HCST: variants seen among roughly 807,000 people sequenced by gnomAD.
The protein encoded by HCST is hematopoietic cell signal transducer.
A neutral mutation model predicts 10.8 loss-of-function variants in HCST; 12 were observed. That is an observed-to-expected ratio of 1.12 (90% CI 0.72 to 1.81). HCST has a LOEUF of 1.81. Ranked by LOEUF, HCST falls within the 40% of genes most tolerant of loss-of-function variation. The pLI is 0.00. For synonymous variants in HCST, 59 were observed against 51.6 expected (o/e 1.14, Z -0.61); for missense variants, 102 against 117.9 (o/e 0.87, Z 0.62).
At position 35,902,575 on chromosome 19, in the gene HCST, T is replaced by G. The variant is rs769019345; in HGVS notation, c.-19T>G. On this transcript the variant is annotated 5_prime_UTR_variant, in exon 1 of 4. Transcript: ENST00000246551. ...GGACCACAGTCCTCTGCCAGACCCC[T>G]GCCAGACCCCAGTCCACCATGATCC... 1.2e-6 allele frequency: 2 copies of G among 1,613,538 alleles called. No individual in the cohort carries two copies. Among genetic ancestry groups the G allele is most frequent in the Non-Finnish European group, 1.7e-6 (2 of 1,179,806 alleles).
rs1599636805 is a variant in HCST at position 35,903,828 on chromosome 19, G to A, written c.166G>A (p.Ala56Thr). The part of the protein sequence containing the change: ...SLPLLAGLVA[A>T]DAVASLLIVG... ...GCCGCTCCTGGCAGGCCTCGTGGCT[G>A]CTGATGCGGTGGCATCGCTGCTCAT... Residue 56 changes from alanine to threonine, a missense_variant, in exon 3 of 4, where the codon GCT becomes ACT. Transcript: ENST00000246551. The A allele has an allele frequency of 1.9e-6, 3 of 1,613,890 alleles. No homozygotes were observed. Among genetic ancestry groups the A allele is most frequent in the Non-Finnish European group, 2.5e-6 (3 of 1,180,010 alleles).
intron 1 of HCST, chr19:35,903,057 C>A: frequency 2.2e-6 from 1 of 452,544 alleles, no homozygotes; most frequent in Non-Finnish European, 4.1e-6. Flanking sequence ...GTGGCACAAT[C>A]ACGGCTCACG....
At chr19:35,903,096 TCCTC>T (rs972568972) in intron 1 of HCST, 1 of 474,804 alleles carries the variant, frequency 2.1e-6, no homozygotes, top group African/African-American at 2.0e-5. Flanking sequence ...GCTCAGGTGA[TCCTC>T]CCAGCTCAGC....
At chr19:35,903,093 T>G (rs1599635914) in intron 1 of HCST, 1 of 473,370 alleles carries the variant, frequency 2.1e-6, no homozygotes, top group Non-Finnish European at 3.9e-6. Context: ...TGGGCTCAGG[T>G]GATCCTCCCA....
At chr19:35,903,660 A>C in intron 2 of HCST, 112 bp from the exon 3 acceptor site, 1 of 1,508,322 alleles carries the variant, frequency 6.6e-7, no homozygotes, top group South Asian at 1.2e-5. Flanking sequence ...CGCAACTCCA[A>C]GGAACCTGGG....
intron 1 of HCST, 140 bp downstream of exon 1, chr19:35,902,776 G>T: frequency 1.2e-6 from 1 of 864,854 alleles, no homozygotes; most frequent in East Asian, 2.5e-5. Flanking sequence ...TCTGCTTCAG[G>T]GCCTGGGTCC....
intron 2 of HCST, 104 bp downstream of exon 2, chr19:35,903,520 CCTT>C: frequency 8.6e-7 from 1 of 1,159,810 alleles, no homozygotes; most frequent in South Asian, 1.2e-5. Flanking sequence ...GGATCCGTGT[CCTT>C]CTCCGAGTCC....
Position 35,904,279 on chromosome 19 carries a change from G to A in HCST, c.*119G>A, listed in dbSNP as rs1321388687. 21 of 1,104,626 alleles carry A rather than the reference G, an allele frequency of 1.9e-5. No individual in the cohort carries two copies. Among genetic ancestry groups the A allele is most frequent in the Non-Finnish European group, 2.9e-5 (21 of 732,374 alleles). 68.4% of individuals were successfully genotyped at this position (1,104,626 alleles called of 1,614,324 possible). On this transcript the variant is annotated 3_prime_UTR_variant, in exon 4 of 4. Transcript: ENST00000246551. ...TAAAACAATTGAAACACCTGTAGTC[G>A]TATTCTTTCTCAAAGAACCCCAGAG... is the stretch of plus-strand genomic sequence containing the variant.
At chr19:35,903,272 T>G in intron 1 of HCST, 79 bp from the exon 2 acceptor site, 2 of 1,295,342 alleles carry the variant, frequency 1.5e-6, no homozygotes, top group African/African-American at 1.5e-5. Context: ...ATGACAGGCG[T>G]GAGCCACGGT....
At chr19:35,902,996 GT>G (rs1011687865) in intron 1 of HCST, 2 of 415,282 alleles carry the variant, frequency 4.8e-6, no homozygotes, top group African/African-American at 4.1e-5. Context: ...CTATTTTTTG[GT>G]TTGTTTATTT....
Position 35,903,375 on chromosome 19 carries a change from G to A in HCST, c.68G>A (p.Gly23Glu). 2 of 1,613,908 alleles carry A rather than the reference G, an allele frequency of 1.2e-6. No homozygotes were observed. Among genetic ancestry groups the A allele is most frequent in the Non-Finnish European group, 1.7e-6 (2 of 1,179,944 alleles). Residue 23 changes from glycine (G) to glutamate (E), a missense_variant, in exon 2 of 4, where the codon GGA becomes GAA. By Grantham distance (98) the Gly-to-Glu change is moderately conservative (BLOSUM62 -2). Transcript: ENST00000246551. The stretch of plus-strand genomic sequence containing the variant: ...GTGGCTGCAGCTCAGACGACTCCAG[G>A]AGAGAGATCATCACTCCCTGCCTTT... ...LPVAAAQTTP[G>E]ERSSLPAFYP...
intron 1 of HCST, chr19:35,902,977 C>G (rs1418915204): frequency 2.3e-6 from 1 of 433,290 alleles, no homozygotes; most frequent in East Asian, 4.8e-5. Context: ...ACCTTTCCTT[C>G]TCTACACCCT....
At position 35,903,418 on chromosome 19, in the gene HCST, T is replaced by A; in HGVS notation, c.109+2T>A. On this transcript the variant is annotated splice_donor_variant, in intron 2 of 3. Coordinates refer to ENST00000246551, the MANE Select transcript of HCST (RefSeq NM_014266.4). LOFTEE classifies it high-confidence loss of function. The stretch of plus-strand genomic sequence containing the variant: ...CTGCCTTTTACCCTGGCACTTCAGG[T>A]ATCACTTCCACCCCAGAAGCTTGGC... The A allele has an allele frequency of 1.2e-6, 2 of 1,613,386 alleles. No homozygotes were observed. The highest frequency in any genetic ancestry group is 2.2e-5 in the South Asian group (2 of 91,058).
chr19:35,903,782 C>T lies in HCST; in HGVS notation c.120C>T (p.Ser40=), dbSNP rs749491740. 86 of 1,613,986 alleles carry T rather than the reference C, an allele frequency of 5.3e-5. No individual in the cohort carries two copies. Among genetic ancestry groups the T allele is most frequent in the Non-Finnish European group, 6.9e-5 (82 of 1,180,036 alleles). The change falls in exon 3 of 4, where the codon TCC becomes TCT. Residue 40 remains serine (S), a synonymous_variant. Transcript: ENST00000246551. ...AFYPGTSGSC[S]GCGSLSLPLL... is the part of the protein sequence containing the mutation. ...GCCCCCACTCTCCAGGCTCTTGTTCCGGATGTGGGTCCCTCTCTCTGCCGC... is the reference window on the plus strand; with the variant it reads ...GCCCCCACTCTCCAGGCTCTTGTTCTGGATGTGGGTCCCTCTCTCTGCCGC...
Position 35,903,761 on chromosome 19 carries a change from C to G in HCST, c.110-11C>G. The G allele has an allele frequency of 6.2e-7, 1 of 1,614,086 alleles. No homozygotes were observed. Among genetic ancestry groups the G allele is most frequent in the Non-Finnish European group, 8.5e-7 (1 of 1,180,028 alleles). On this transcript the variant is annotated splice_polypyrimidine_tract_variant and intron_variant, in intron 2 of 3. Transcript: ENST00000246551. ...TTGAGTTGTCTCCCTGTTCCGGCCC[C>G]CACTCTCCAGGCTCTTGTTCCGGAT...
intron 2 of HCST, 111 bp from the exon 3 acceptor site, chr19:35,903,661 G>C: frequency 6.6e-7 from 1 of 1,515,514 alleles, no homozygotes; most frequent in South Asian, 1.2e-5. Context: ...GCAACTCCAA[G>C]GAACCTGGGA....
chr19:35,902,833 G>A, intron 1 of HCST, 197 bp downstream of exon 1: 1 of 581,664 alleles, frequency 1.7e-6, no homozygotes, highest in Non-Finnish European at 3.1e-6. Context: ...GGGGCTGCCT[G>A]TTAGCGTCCC....
chr19:35,902,731 T>C, intron 1 of HCST, 95 bp downstream of exon 1: 5 of 1,260,210 alleles, frequency 4.0e-6, no homozygotes, highest in Non-Finnish European at 5.7e-6. Flanking sequence ...AGTGGGGTTC[T>C]TCTCCCTGCA....
intron 2 of HCST, 110 bp from the exon 3 acceptor site, chr19:35,903,662 G>A (rs1019672234): frequency 6.6e-7 from 1 of 1,519,822 alleles, no homozygotes; most frequent in African/African-American, 1.4e-5. Context: ...CAACTCCAAG[G>A]AACCTGGGAC....
Sources: gnomAD v4.1 joint callset for allele counts on GRCh38, gnomAD v4.1.1 for gene constraint, MANE v1.5 for transcripts, NCBI Gene and HGNC (gene_info 2026-07-23, HGNC 2026-07-21) for gene names.